Variants in HDAC9 observed in about 807,000 individuals in gnomAD.
HDAC9 encodes the protein histone deacetylase 9, also known as MEF-2 interacting transcription repressor (MITR) protein.
HDAC9 carries 41 observed loss-of-function variants against 139.4 expected under a neutral mutation model. That is an observed-to-expected ratio of 0.29 (90% CI 0.23 to 0.38). The LOEUF is 0.38. Among genes scored for constraint, HDAC9 ranks in the 10% least tolerant of loss-of-function variants. The pLI is 1.00. For synonymous variants in HDAC9, 517 were observed against 476.2 expected, an observed-to-expected ratio of 1.09 and a Z score of -1.12; for missense variants, 1,147 against 1,297.0, an observed-to-expected ratio of 0.88 and a Z score of 1.78.
At chr7:18,183,205 T>C (rs1388959622) in intron 2 of HDAC9, among the ~76,000 whole-genome samples, 2 of 151,446 alleles carry the variant, frequency 1.3e-5, no homozygotes, top group Non-Finnish European at 1.5e-5. Context: ...GAGACGGGGT[T>C]TCACCGTGTT....
chr7:18,277,944 C>T (rs1012538760), intron 2 of HDAC9, among the ~76,000 whole-genome samples: 2 of 152,174 alleles, frequency 1.3e-5, no homozygotes, highest in African/African-American at 2.4e-5. Flanking sequence ...TAGCTTTATG[C>T]AACTAATTAC....
chr7:18,288,020 G>T (rs138656261), upstream of HDAC9, among the ~76,000 whole-genome samples: 1 of 152,150 alleles, frequency 6.6e-6, no homozygotes, highest in Non-Finnish European at 1.5e-5. Flanking sequence ...TTTAGTATAC[G>T]TTGAATTTCC....
intron 2 of HDAC9, among the ~76,000 whole-genome samples, chr7:18,583,664 G>C (rs1470784038): frequency 6.6e-6 from 1 of 152,096 alleles, no homozygotes; most frequent in Non-Finnish European, 1.5e-5. Flanking sequence ...TGAGGCAGAA[G>C]GATCCCTTGA....
intron 13 of HDAC9, among the ~76,000 whole-genome samples, chr7:18,741,182 G>T (rs1362765838): frequency 6.6e-6 from 1 of 152,208 alleles, no homozygotes; most frequent in East Asian, 1.9e-4. Context: ...AAATTTCGTT[G>T]TAGATGAAAG....
chr7:18,733,080 T>TAC (rs1786485395), intron 13 of HDAC9, among the ~76,000 whole-genome samples: 2 of 146,124 alleles, frequency 1.4e-5, no homozygotes, highest in Non-Finnish European at 3.0e-5. Flanking sequence ...TACACATGTA[T>TAC]ACACATATAT....
intron 2 of HDAC9, among the ~76,000 whole-genome samples, chr7:18,259,623 C>T (rs1243781938): frequency 1.3e-5 from 2 of 152,150 alleles, no homozygotes; most frequent in Non-Finnish European, 2.9e-5. Flanking sequence ...CCTCAGCCTC[C>T]CAAAGTACTG....
At chr7:18,584,781 A>G (rs532650810) in intron 2 of HDAC9, among the ~76,000 whole-genome samples, 5 of 152,218 alleles carry the variant, frequency 3.3e-5, no homozygotes, top group East Asian at 1.9e-4. Flanking sequence ...GGTACATCCA[A>G]TAGTGCTGCA....
chr7:18,830,653 G>T (rs554675002), intron 19 of HDAC9, among the ~76,000 whole-genome samples: 137 of 152,242 alleles, frequency 9.0e-4, no homozygotes, highest in African/African-American at 3.2e-3. Context: ...ATGGAAGAAC[G>T]ATACCCATTT....
At chr7:18,349,505 T>C (rs1170144632) in intron 1 of HDAC9, among the ~76,000 whole-genome samples, 4 of 152,172 alleles carry the variant, frequency 2.6e-5, no homozygotes, top group South Asian at 2.1e-4. Context: ...CTTAATGTTA[T>C]CTGCTTTATC....
chr7:18,256,413 G>C (rs1232965819), intron 2 of HDAC9, among the ~76,000 whole-genome samples: 4 of 152,286 alleles, frequency 2.6e-5, no homozygotes, highest in Admixed American at 2.6e-4. Context: ...GGAGCTAGAT[G>C]GAAGAGTTGA....
chr7:18,360,604 A>G (rs1783700828), intron 1 of HDAC9, among the ~76,000 whole-genome samples: 1 of 152,260 alleles, frequency 6.6e-6, no homozygotes, highest in East Asian at 1.9e-4. Flanking sequence ...TTCAAGGTCC[A>G]CTTCAATCTC....
intron 16 of HDAC9, among the ~76,000 whole-genome samples, chr7:18,778,091 GC>G: frequency 6.6e-6 from 1 of 151,940 alleles, no homozygotes; most frequent in South Asian, 2.1e-4. Context: ...TGATTCCCAA[GC>G]TTTTAACCAC....
chr7:18,591,744 T>A (rs1401749882), intron 5 of HDAC9, 102 bp downstream of exon 5: 191 of 1,473,686 alleles, frequency 1.3e-4, no homozygotes, highest in Non-Finnish European at 1.7e-4. Flanking sequence ...TTCTCAGCTG[T>A]CTGGCTGTGG....
At chr7:18,281,676 C>T (rs1797117122) in intron 2 of HDAC9, among the ~76,000 whole-genome samples, 1 of 152,174 alleles carries the variant, frequency 6.6e-6, no homozygotes, top group African/African-American at 2.4e-5. Flanking sequence ...GTGCAGAAGT[C>T]TGTATTTTTA....
At chr7:18,232,765 T>C (rs186084636) in intron 2 of HDAC9, among the ~76,000 whole-genome samples, 9 of 152,322 alleles carry the variant, frequency 5.9e-5, no homozygotes, top group African/African-American at 1.9e-4. Context: ...CCCCAAATAC[T>C]GTAGAGCCAG....
At chr7:18,386,415 T>C (rs953190066) in intron 1 of HDAC9, among the ~76,000 whole-genome samples, 2 of 152,218 alleles carry the variant, frequency 1.3e-5, no homozygotes, top group African/African-American at 4.8e-5. Flanking sequence ...TGAACTTGCA[T>C]AGAAAATCTT....
chr7:18,090,662 G>C (rs962471548), intron 1 of HDAC9, among the ~76,000 whole-genome samples: 1 of 152,198 alleles, frequency 6.6e-6, no homozygotes, highest in Non-Finnish European at 1.5e-5. Context: ...ACGGGGGACA[G>C]TAATGGAGTG....
intron 6 of HDAC9, among the ~76,000 whole-genome samples, chr7:18,613,085 A>G (rs190484215): frequency 1.4e-5 from 2 of 148,094 alleles, no homozygotes; most frequent in African/African-American, 4.9e-5. Context: ...AGATATATTT[A>G]TATTTCTCTT....
intron 6 of HDAC9, among the ~76,000 whole-genome samples, chr7:18,615,955 C>T (rs1013754230): frequency 1.3e-5 from 2 of 152,262 alleles, no homozygotes; most frequent in African/African-American, 2.4e-5. Flanking sequence ...ATCACCCTGG[C>T]GTGTTCTTTT....
Sources: allele counts gnomAD v4.1 joint callset (sites outside exome capture counted in the v4.1 genomes callset), GRCh38; gene constraint gnomAD v4.1.1; transcripts MANE v1.5; gene names NCBI Gene and HGNC (gene_info 2026-07-23, HGNC 2026-07-21).